Variants in PRH1 observed in about 807,000 individuals in gnomAD.
PRH1 encodes the protein proline rich protein HaeIII subfamily 1.
Under a neutral mutation model 7.9 loss-of-function variants are expected in PRH1, and 7 were observed. The observed-to-expected ratio is 0.89, with a 90% CI of 0.50 to 1.67. The LOEUF (loss-of-function observed/expected upper bound fraction) is 1.67. PRH1 is among the 40% of genes most tolerant of loss of function. The probability of loss-of-function intolerance (pLI) is 0.00; values close to 1 mark genes in which losing one functional copy is unlikely to be tolerated. For synonymous variants in PRH1, 45 were observed against 80.8 expected, an observed-to-expected ratio of 0.56 and a Z score of 2.38; for missense variants, 109 against 223.6, an observed-to-expected ratio of 0.49 and a Z score of 3.27.
chr12:11,035,367 T>TTCTGGGTAG (rs1942394026), intron 1 of PRH1, among the ~76,000 whole-genome samples: 1 of 152,318 alleles, frequency 6.6e-6, no homozygotes, highest in Admixed American at 6.5e-5. Context: ...TTTATCTTCA[T>TTCTGGGTAG]TCTGGGTAGT....
intron 1 of PRH1, chr12:10,985,904 TACAC>T (rs1439921807): frequency 2.0e-6 from 3 of 1,497,422 alleles, no homozygotes; most frequent in East Asian, 2.3e-5. Context: ...TCTCCTAGAA[TACAC>T]ACACAATGTC....
At chr12:11,089,429 G>T (rs1944807606) in intron 1 of PRH1, among the ~76,000 whole-genome samples, 1 of 50,404 alleles carries the variant, frequency 2.0e-5, no homozygotes, top group African/African-American at 4.7e-5. Flanking sequence ...TGGAAAAAGT[G>T]CTGGAAGCCA....
intron 1 of PRH1, among the ~76,000 whole-genome samples, chr12:11,164,168 G>A (rs545434694): frequency 6.6e-6 from 1 of 152,188 alleles, no homozygotes; most frequent in Non-Finnish European, 1.5e-5. Flanking sequence ...GGTGTTTCTA[G>A]AAGAGATGAG....
chr12:10,896,017 C>T (rs1055900853), intron 2 of PRH1: 4 of 152,128 alleles, frequency 2.6e-5, no homozygotes, highest in Non-Finnish European at 2.9e-5. Flanking sequence ...CTGGAGAGAT[C>T]CAAGGTGTGT....
At chr12:11,045,692 C>T (rs1391723447) in intron 1 of PRH1, among the ~76,000 whole-genome samples, 2 of 152,016 alleles carry the variant, frequency 1.3e-5, no homozygotes, top group African/African-American at 4.8e-5. Context: ...TTCAAATAAA[C>T]TGAATACAAA....
intron 1 of PRH1, among the ~76,000 whole-genome samples, chr12:11,090,126 T>C (rs1944829539): frequency 8.6e-6 from 1 of 116,412 alleles, no homozygotes; most frequent in African/African-American, 2.9e-5. Context: ...TACATTTCTT[T>C]CTTATAATAG....
intron 1 of PRH1, among the ~76,000 whole-genome samples, chr12:10,981,271 AC>A (rs759369162): frequency 5.0e-4 from 76 of 152,056 alleles, no homozygotes; most frequent in Non-Finnish European, 9.4e-4. Context: ...ATTATCTGAG[AC>A]TTTTAAGTTT....
intron 1 of PRH1, among the ~76,000 whole-genome samples, chr12:11,042,754 C>T (rs553227710): frequency 6.6e-5 from 10 of 151,448 alleles, no homozygotes; most frequent in African/African-American, 2.2e-4. Context: ...CTCAGCCTCC[C>T]GAGTAGCTGG....
chr12:10,919,954 G>T (rs1215877003), intron 2 of PRH1, among the ~76,000 whole-genome samples: 1 of 150,658 alleles, frequency 6.6e-6, no homozygotes. Context: ...GCCCAGGCTG[G>T]AGTGGCTCAA....
intron 1 of PRH1, among the ~76,000 whole-genome samples, chr12:11,033,406 A>AAAACAAAAC (rs1565575869): frequency 4.1e-5 from 6 of 145,580 alleles, no homozygotes; most frequent in African/African-American, 1.7e-4. Context: ...CAAAACAAAA[A>AAAACAAAAC]ACCAACATCA....
chr12:10,947,160 T>G (rs1207390683), intron 2 of PRH1, among the ~76,000 whole-genome samples: 1 of 152,196 alleles, frequency 6.6e-6, no homozygotes, highest in Admixed American at 6.5e-5. Context: ...GGTCCAATGC[T>G]AAGTTTAGGT....
intron 1 of PRH1, among the ~76,000 whole-genome samples, chr12:11,115,191 G>C (rs575079555): frequency 6.6e-6 from 1 of 152,122 alleles, no homozygotes; most frequent in African/African-American, 2.4e-5. Context: ...TGCACAGAAA[G>C]AAAACAACGG....
intron 1 of PRH1, among the ~76,000 whole-genome samples, chr12:11,148,298 G>C (rs1946937294): frequency 6.6e-6 from 1 of 151,848 alleles, no homozygotes; most frequent in Non-Finnish European, 1.5e-5. Context: ...CTGCCTCATT[G>C]CCCTGGTCAC....
chr12:10,980,854 G>A (rs1286755356), intron 1 of PRH1, among the ~76,000 whole-genome samples: 1 of 152,190 alleles, frequency 6.6e-6, no homozygotes, highest in Non-Finnish European at 1.5e-5. Flanking sequence ...CACAGAGCAT[G>A]CAACATGAAG....
At chr12:10,989,087 C>T (rs867804303) in intron 1 of PRH1, among the ~76,000 whole-genome samples, 7 of 152,146 alleles carry the variant, frequency 4.6e-5, no homozygotes, top group South Asian at 2.1e-4. Context: ...GGATTACAGG[C>T]GTGAGCCACC....
chr12:11,140,758 T>C (rs1946680314), intron 1 of PRH1, among the ~76,000 whole-genome samples: 1 of 152,178 alleles, frequency 6.6e-6, no homozygotes, highest in South Asian at 2.1e-4. Context: ...CACCTCTCCA[T>C]AATTTGTTTT....
chr12:10,938,591 C>T (rs1950332659), intron 2 of PRH1: 2 of 1,613,708 alleles, frequency 1.2e-6, no homozygotes, highest in South Asian at 2.2e-5. Context: ...GCGATGTTTC[C>T]ACATGGAGAA....
chr12:11,084,001 ATCCTACC>A (rs1944590038), intron 1 of PRH1, among the ~76,000 whole-genome samples: 1 of 120,774 alleles, frequency 8.3e-6, no homozygotes, highest in Non-Finnish European at 1.9e-5. Flanking sequence ...TTGTAAATCA[ATCCTACC>A]TCACACCCCT....
intron 1 of PRH1, chr12:10,986,903 C>T: frequency 7.3e-7 from 1 of 1,373,986 alleles, no homozygotes; most frequent in South Asian, 1.6e-5. Flanking sequence ...CCTAATATCA[C>T]TGGTTGTGAT....
Sources: allele counts gnomAD v4.1 joint callset (sites outside exome capture counted in the v4.1 genomes callset), GRCh38; gene constraint gnomAD v4.1.1; transcripts MANE v1.5; gene names NCBI Gene and HGNC (gene_info 2026-07-23, HGNC 2026-07-21).